The following DLGAP2 variants were observed in gnomAD, a reference collection of about 807,000 sequenced individuals.
The protein encoded by DLGAP2 is disks large-associated protein 2.
In DLGAP2, 26 loss-of-function variants were observed where a neutral mutation model predicts 100.3. The ratio of observed to expected loss-of-function variants is 0.26; its 90% confidence interval spans 0.19 to 0.36. The LOEUF (loss-of-function observed/expected upper bound fraction) is 0.36, where lower values mean the gene tolerates loss of function less well. Ranked by LOEUF, DLGAP2 falls within the 10% of genes least tolerant of loss-of-function variation. The pLI, the probability that DLGAP2 is intolerant of heterozygous loss-of-function variation, is 1.00. For missense variants in DLGAP2, 1,858 were observed against 1,453.2 expected (o/e 1.28, Z -4.53); for synonymous variants, 886 against 630.1 (o/e 1.41, Z -6.08).
intron 3 of DLGAP2, among the ~76,000 whole-genome samples, chr8:1,287,769 G>C (rs1157485052): frequency 2.0e-5 from 1 of 50,012 alleles, no homozygotes; most frequent in Non-Finnish European, 3.9e-5. Context: ...CAGCGTGTGT[G>C]TGTGTGTGTG....
chr8:1,197,811 G>A (rs912918152), intron 2 of DLGAP2, among the ~76,000 whole-genome samples: 7 of 152,274 alleles, frequency 4.6e-5, no homozygotes, highest in African/African-American at 1.4e-4. Context: ...TTCATCTCCT[G>A]GGCCTCCTGC....
intron 6 of DLGAP2, among the ~76,000 whole-genome samples, chr8:1,592,962 G>A (rs997864449): frequency 2.0e-5 from 3 of 152,104 alleles, no homozygotes; most frequent in Non-Finnish European, 4.4e-5. Flanking sequence ...AGATTTTACT[G>A]TCTACTGATC....
At chr8:863,471 C>G (rs1413621282) in intron 1 of DLGAP2, among the ~76,000 whole-genome samples, 1 of 152,210 alleles carries the variant, frequency 6.6e-6, no homozygotes, top group African/African-American at 2.4e-5. Context: ...CGGCATTCCA[C>G]TGGTGCGCAC....
intron 3 of DLGAP2, among the ~76,000 whole-genome samples, chr8:1,456,659 A>T (rs1354804553): frequency 1.3e-5 from 2 of 151,892 alleles, no homozygotes; most frequent in Non-Finnish European, 2.9e-5. Flanking sequence ...TTAGAAAAAT[A>T]AAATGAGACC....
chr8:1,458,701 C>A (rs1309382772), intron 3 of DLGAP2, among the ~76,000 whole-genome samples: 1 of 152,210 alleles, frequency 6.6e-6, no homozygotes, highest in East Asian at 1.9e-4. Context: ...GCAGCCTTCC[C>A]TGGGGAAGAC....
intron 2 of DLGAP2, among the ~76,000 whole-genome samples, chr8:1,209,340 T>C (rs532631078): frequency 2.0e-5 from 3 of 152,114 alleles, no homozygotes; most frequent in Non-Finnish European, 4.4e-5. Flanking sequence ...GACCCAGAAA[T>C]AGAGTGTAAT....
intron 1 of DLGAP2, among the ~76,000 whole-genome samples, chr8:819,092 G>A (rs535683763): frequency 3.3e-5 from 5 of 152,146 alleles, no homozygotes; most frequent in Non-Finnish European, 7.3e-5. Context: ...AATTTGATAA[G>A]TATCACAGAA....
chr8:1,231,480 G>A (rs1798534519), intron 2 of DLGAP2, among the ~76,000 whole-genome samples: 1 of 152,250 alleles, frequency 6.6e-6, no homozygotes, highest in South Asian at 2.1e-4. Context: ...TCCCATTACT[G>A]GCTATGTATC....
chr8:1,077,077 C>T (rs191989491), intron 2 of DLGAP2, among the ~76,000 whole-genome samples: 1 of 152,260 alleles, frequency 6.6e-6, no homozygotes, highest in Admixed American at 6.5e-5. Flanking sequence ...CTCCCCCACA[C>T]TCCTGATTTG....
chr8:759,106 C>A, intron 1 of DLGAP2, among the ~76,000 whole-genome samples: 1 of 18,072 alleles, frequency 5.5e-5, no homozygotes, highest in African/African-American at 1.3e-4. Flanking sequence ...TCAATACCCC[C>A]GACAGCCTTC....
chr8:1,445,984 G>A (rs546783619), intron 3 of DLGAP2, among the ~76,000 whole-genome samples: 255 of 152,162 alleles, frequency 1.7e-3, no homozygotes, highest in Middle Eastern at 3.4e-3. Context: ...GTAGATTCTG[G>A]ATATTAGCCC....
In DLGAP2 at chr8:888,990, A is replaced by C. The variant is rs541910220; in HGVS notation, c.19-18922A>C. ...CCGAAAAGAGAGTCATTGAAGGGAG[A>C]TAGGGGTGGGGCCATTTTATAGGAT... On this transcript the variant is annotated intron_variant, in intron 1 of 14. Transcript: ENST00000637795. 1.4e-4 allele frequency among the ~76,000 whole-genome samples: 21 copies of C among 152,108 alleles called. No individual in the cohort carries two copies. In the South Asian group the frequency reaches 4.4e-3, roughly 32 times the overall value.
At chr8:1,455,393 G>A (rs955307937) in intron 3 of DLGAP2, among the ~76,000 whole-genome samples, 11 of 152,318 alleles carry the variant, frequency 7.2e-5, no homozygotes, top group Admixed American at 2.6e-4. Flanking sequence ...CCTGCCCCTC[G>A]GGGTCCCAGG....
intron 3 of DLGAP2, among the ~76,000 whole-genome samples, chr8:1,410,841 T>G (rs1456198885): frequency 2.0e-5 from 3 of 152,034 alleles, no homozygotes; most frequent in Non-Finnish European, 4.4e-5. Flanking sequence ...CATTTTTTTT[T>G]TTTTTTTTTT....
At chr8:1,660,021 C>G (rs958085117) in intron 8 of DLGAP2, among the ~76,000 whole-genome samples, 2 of 152,120 alleles carry the variant, frequency 1.3e-5, no homozygotes, top group African/African-American at 4.8e-5. Flanking sequence ...TTCGGGAGCT[C>G]TTATAAGGCA....
At chr8:1,623,459 G>C (rs1346494960) in intron 6 of DLGAP2, among the ~76,000 whole-genome samples, 3 of 151,914 alleles carry the variant, frequency 2.0e-5, no homozygotes, top group Non-Finnish European at 4.4e-5. Context: ...CCTGACACCA[G>C]CGCGCAATGA....
At chr8:1,250,789 C>T (rs1477340812) in intron 2 of DLGAP2, among the ~76,000 whole-genome samples, 2 of 152,180 alleles carry the variant, frequency 1.3e-5, no homozygotes, top group East Asian at 3.9e-4. Flanking sequence ...CTGTCCTACA[C>T]ACGATTTATT....
chr8:772,265 T>C (rs532363098), intron 1 of DLGAP2, among the ~76,000 whole-genome samples: 21 of 152,298 alleles, frequency 1.4e-4, no homozygotes, highest in African/African-American at 4.8e-4. Context: ...AAATCATGTT[T>C]AATAATATAT....
chr8:1,207,166 C>G (rs748684320), intron 2 of DLGAP2, among the ~76,000 whole-genome samples: 12 of 152,194 alleles, frequency 7.9e-5, no homozygotes, highest in Non-Finnish European at 1.3e-4. Context: ...GTGGTGATTT[C>G]TGAGATTTTA....
Sources: allele counts gnomAD v4.1 joint callset (sites outside exome capture counted in the v4.1 genomes callset), GRCh38; gene constraint gnomAD v4.1.1; transcripts MANE v1.5; gene names NCBI Gene and HGNC (gene_info 2026-07-23, HGNC 2026-07-21).